Variants in STAT5B observed in about 807,000 individuals in gnomAD.
STAT5B encodes transcription factor STAT5B.
In STAT5B, 21 loss-of-function variants were observed where a neutral mutation model predicts 107.8. The ratio of observed to expected loss-of-function variants is 0.19; its 90% CI spans 0.14 to 0.28. The LOEUF is 0.28. Among genes scored for constraint, STAT5B ranks in the 10% least tolerant of loss-of-function variants. The pLI is 1.00. For synonymous variants in STAT5B, 325 were observed against 401.7 expected (o/e 0.81, Z 2.28); for missense variants, 565 against 1,008.2 (o/e 0.56, Z 5.95).
chr17:42,207,258 A>G (rs953665795), intron 16 of STAT5B, among the ~76,000 whole-genome samples: 1 of 152,116 alleles, frequency 6.6e-6, no homozygotes, highest in African/African-American at 2.4e-5. Flanking sequence ...CAATAAAACC[A>G]TCTCTGTCAT....
chr17:42,227,474 G>A (rs190415625), intron 3 of STAT5B, 55 bp downstream of exon 3: 2 of 1,611,092 alleles, frequency 1.2e-6, no homozygotes, highest in African/African-American at 1.3e-5. Flanking sequence ...AGTCTCTACA[G>A]GAAGAAGACC....
chr17:42,217,892 G>A (rs1193900032), intron 9 of STAT5B: 5 of 525,264 alleles, frequency 9.5e-6, no homozygotes, highest in African/African-American at 5.8e-5. Context: ...TTTTAGTAGA[G>A]ACAGGGTTTC....
At chr17:42,214,403 G>A in intron 12 of STAT5B, 1 of 984,416 alleles carries the variant, frequency 1.0e-6, no homozygotes, top group Non-Finnish European at 1.2e-6. Context: ...GTTTGTAAGT[G>A]AAGTATGGTA....
At chr17:42,274,666 A>T (rs1271753476) in intron 1 of STAT5B, among the ~76,000 whole-genome samples, 2 of 152,214 alleles carry the variant, frequency 1.3e-5, no homozygotes, top group Non-Finnish European at 2.9e-5. Flanking sequence ...TACAAAATGA[A>T]ATTTTAAAAC....
At chr17:42,211,362 G>A (rs9896521) in intron 13 of STAT5B, among the ~76,000 whole-genome samples, 2 of 151,724 alleles carry the variant, frequency 1.3e-5, no homozygotes, top group South Asian at 2.1e-4. Flanking sequence ...ACAAAATTGC[G>A]GGGCGTGGTG....
intron 1 of STAT5B, among the ~76,000 whole-genome samples, chr17:42,241,725 G>A (rs1362652648): frequency 6.6e-6 from 1 of 152,116 alleles, no homozygotes; most frequent in South Asian, 2.1e-4. Context: ...TTACAGGCCT[G>A]AGCCACCATG....
At chr17:42,203,090 C>G (rs936487988) in intron 16 of STAT5B, 1 of 453,340 alleles carries the variant, frequency 2.2e-6, no homozygotes, top group African/African-American at 2.0e-5. Flanking sequence ...TACAGGTACA[C>G]CACCACACTT....
upstream of STAT5B, among the ~76,000 whole-genome samples, chr17:42,278,162 C>T (rs58731644): frequency 0.044 from 6,624 of 152,238 alleles, 477 homozygotes; most frequent in African/African-American, 0.15. Flanking sequence ...TTGCTTCAGG[C>T]AGCATGACCT....
intron 17 of STAT5B, 152 bp from the exon 18 acceptor site, chr17:42,202,599 T>C: frequency 6.9e-7 from 1 of 1,447,736 alleles, no homozygotes; most frequent in Admixed American, 1.7e-5. Flanking sequence ...GAGTGGGGCC[T>C]CAGGTACTGG....
chr17:42,241,722 C>A (rs1423688741), intron 1 of STAT5B, among the ~76,000 whole-genome samples: 1 of 152,078 alleles, frequency 6.6e-6, no homozygotes, highest in African/African-American at 2.4e-5. Flanking sequence ...GGATTACAGG[C>A]CTGAGCCACC....
intron 1 of STAT5B, among the ~76,000 whole-genome samples, chr17:42,273,530 T>C (rs2080738289): frequency 6.6e-6 from 1 of 152,200 alleles, no homozygotes; most frequent in Admixed American, 6.5e-5. Context: ...GTAGGAATAA[T>C]GCAGTAATCT....
intron 2 of STAT5B, among the ~76,000 whole-genome samples, chr17:42,229,915 GAAAACCAAAGCT>G (rs1471809118): frequency 6.6e-6 from 1 of 151,460 alleles, no homozygotes; most frequent in Non-Finnish European, 1.5e-5. Context: ...ATATTCTGAA[GAAAACCAAAGCT>G]AAAAAATTTC....
chr17:42,231,006 A>T (rs76259126), intron 2 of STAT5B, among the ~76,000 whole-genome samples: 1,894 of 152,224 alleles, frequency 0.012, 25 homozygotes, highest in South Asian at 0.023. Flanking sequence ...ATACATATAA[A>T]TTAAAAACAC....
At chr17:42,226,574 G>A (rs1386011932) in intron 3 of STAT5B, among the ~76,000 whole-genome samples, 4 of 151,952 alleles carry the variant, frequency 2.6e-5, no homozygotes, top group Admixed American at 6.6e-5. Context: ...TTGGGAGGCC[G>A]AGGAGGGTGA....
At chr17:42,242,700 G>A (rs979411696) in intron 1 of STAT5B, among the ~76,000 whole-genome samples, 5 of 151,438 alleles carry the variant, frequency 3.3e-5, no homozygotes, top group African/African-American at 1.2e-4. Context: ...GGGTGTGGTG[G>A]CTCATGCCTG....
At chr17:42,203,035 C>T (rs2080058472) in intron 16 of STAT5B, 1 of 582,052 alleles carries the variant, frequency 1.7e-6, no homozygotes, top group Non-Finnish European at 3.1e-6. Context: ...CTCCGCCTCC[C>T]AGGTTCAAAT....
chr17:42,283,656 G>A, the STAT5B span, among the ~76,000 whole-genome samples: 2 of 152,330 alleles, frequency 1.3e-5, no homozygotes, highest in African/African-American at 4.8e-5. Context: ...GGTGGATAGG[G>A]GACAGCGGCA....
chr17:42,243,686 T>A (rs1336102676), intron 1 of STAT5B, among the ~76,000 whole-genome samples: 1 of 152,156 alleles, frequency 6.6e-6, no homozygotes, highest in Non-Finnish European at 1.5e-5. Context: ...GTACACTTTT[T>A]TCAAAATCAA....
intron 1 of STAT5B, among the ~76,000 whole-genome samples, chr17:42,266,552 A>AT (rs1396633416): frequency 6.1e-4 from 92 of 151,280 alleles, no homozygotes; most frequent in East Asian, 2.3e-3. Flanking sequence ...AAAATAAAAA[A>AT]AAAAAAAAAA....
Sources: allele counts gnomAD v4.1 joint callset (sites outside exome capture counted in the v4.1 genomes callset), GRCh38; gene constraint gnomAD v4.1.1; transcripts MANE v1.5; gene names NCBI Gene and HGNC (gene_info 2026-07-23, HGNC 2026-07-21).